EXOC6B: variants seen among roughly 807,000 people sequenced by gnomAD.
The protein encoded by EXOC6B is SEC15 homolog B.
In EXOC6B, 54 loss-of-function variants were observed where a neutral mutation model predicts 113.5. The ratio of observed to expected loss-of-function variants is 0.48; its 90% confidence interval spans 0.38 to 0.60. EXOC6B has a LOEUF of 0.60. Ranked by LOEUF, EXOC6B falls within the 20% of genes least tolerant of loss-of-function variation. The pLI, the probability that EXOC6B is intolerant of heterozygous loss-of-function variation, is 0.00. For synonymous variants in EXOC6B, 357 were observed against 339.0 expected, an observed-to-expected ratio of 1.05 and a Z score of -0.58; for missense variants, 797 against 977.5, an observed-to-expected ratio of 0.82 and a Z score of 2.46.
chr2:72,338,749 G>A (rs571992356), intron 19 of EXOC6B, among the ~76,000 whole-genome samples: 14 of 151,692 alleles, frequency 9.2e-5, no homozygotes, highest in Admixed American at 2.0e-4. Context: ...AATATAATAC[G>A]CACAGAAAAC....
At chr2:72,678,153 A>T (rs1573608508) in intron 6 of EXOC6B, among the ~76,000 whole-genome samples, 4 of 152,382 alleles carry the variant, frequency 2.6e-5, no homozygotes, top group Admixed American at 2.6e-4. Context: ...GCAGGAATCT[A>T]TCACAGCTGT....
chr2:72,312,612 C>T (rs1326983032), intron 20 of EXOC6B, among the ~76,000 whole-genome samples: 12 of 151,444 alleles, frequency 7.9e-5, no homozygotes, highest in South Asian at 2.1e-4. Flanking sequence ...AAAAATTAGC[C>T]GGGTGTGGTG....
At chr2:72,619,438 A>T (rs1385590506) in intron 6 of EXOC6B, among the ~76,000 whole-genome samples, 1 of 152,192 alleles carries the variant, frequency 6.6e-6, no homozygotes, top group Non-Finnish European at 1.5e-5. Context: ...AATTTGAGAC[A>T]TTCATAGACA....
chr2:72,531,797 A>C (rs1009757642), intron 8 of EXOC6B, among the ~76,000 whole-genome samples: 1 of 152,176 alleles, frequency 6.6e-6, no homozygotes, highest in South Asian at 2.1e-4. Context: ...AAGCCTGGCC[A>C]ACATGGTGAA....
chr2:72,397,661 T>TAAAATAAAATAAAAAAAA (rs1558625759), intron 18 of EXOC6B, among the ~76,000 whole-genome samples: 50 of 102,104 alleles, frequency 4.9e-4, no homozygotes, highest in African/African-American at 3.8e-3. Flanking sequence ...AAAATAAAAT[T>TAAAATAAAATAAAAAAAA]ATATATATAT....
At chr2:72,273,489 G>A (rs1196109710) in intron 20 of EXOC6B, among the ~76,000 whole-genome samples, 1 of 152,126 alleles carries the variant, frequency 6.6e-6, no homozygotes, top group Non-Finnish European at 1.5e-5. Flanking sequence ...AAATCTTTGT[G>A]TAAGGTGTTC....
chr2:72,785,462 CTT>C (rs1414603669), intron 1 of EXOC6B, among the ~76,000 whole-genome samples: 1 of 152,258 alleles, frequency 6.6e-6, no homozygotes, highest in Non-Finnish European at 1.5e-5. Flanking sequence ...CTGCAGCAAA[CTT>C]TTGCCTGGGC....
intron 18 of EXOC6B, among the ~76,000 whole-genome samples, chr2:72,405,023 G>C (rs977845299): frequency 1.3e-5 from 2 of 152,108 alleles, no homozygotes; most frequent in African/African-American, 2.4e-5. Context: ...GGACCTGATG[G>C]AGCTGAAAAC....
chr2:72,669,655 C>T (rs1028088601), intron 6 of EXOC6B, among the ~76,000 whole-genome samples: 5 of 152,172 alleles, frequency 3.3e-5, no homozygotes, highest in African/African-American at 9.7e-5. Context: ...AACATGCTAT[C>T]GCACTTTAAA....
chr2:72,220,374 T>A lies in EXOC6B; in HGVS notation c.2197-36187A>T, dbSNP rs529256831. On this transcript the variant is annotated intron_variant, in intron 20 of 21. Coordinates refer to ENST00000272427, the MANE Select transcript of EXOC6B (RefSeq NM_015189.3). ...GAATCTGGCCAAGGCAACTAGAAAA[T>A]ACAGGAAGGAGGGCTGCCTCCTCAT... Among the ~76,000 whole-genome samples the A allele has an allele frequency of 7.4e-4, 112 of 152,072 alleles. 2 individuals carry two copies. In the Middle Eastern group the frequency reaches 0.027, roughly 37 times the overall value.
At chr2:72,674,363 C>G (rs1372778292) in intron 6 of EXOC6B, among the ~76,000 whole-genome samples, 1 of 152,200 alleles carries the variant, frequency 6.6e-6, no homozygotes, top group Non-Finnish European at 1.5e-5. Context: ...TCCCCATCTT[C>G]TTATAGAAAG....
chr2:72,646,536 G>A (rs538321082), intron 6 of EXOC6B, among the ~76,000 whole-genome samples: 2 of 152,116 alleles, frequency 1.3e-5, no homozygotes, highest in Non-Finnish European at 2.9e-5. Flanking sequence ...GATGAACATC[G>A]ATGCGAAAAT....
chr2:72,388,149 A>AAC (rs1692164054), intron 18 of EXOC6B, among the ~76,000 whole-genome samples: 1 of 152,154 alleles, frequency 6.6e-6, no homozygotes, highest in African/African-American at 2.4e-5. Context: ...TGGACAGTCA[A>AAC]ACACACCTGG....
At chr2:72,502,723 C>T (rs924683975) in intron 11 of EXOC6B, among the ~76,000 whole-genome samples, 1 of 152,118 alleles carries the variant, frequency 6.6e-6, no homozygotes, top group Non-Finnish European at 1.5e-5. Context: ...CTTTAAGAAT[C>T]TGCTCTTTTT....
intron 8 of EXOC6B, among the ~76,000 whole-genome samples, chr2:72,540,391 C>A (rs572841014): frequency 6.6e-6 from 1 of 152,046 alleles, no homozygotes; most frequent in Admixed American, 6.5e-5. Context: ...TCCAGATTCA[C>A]GTTGTTAATA....
chr2:72,497,371 C>T (rs1263165498), intron 13 of EXOC6B, among the ~76,000 whole-genome samples: 1 of 152,148 alleles, frequency 6.6e-6, no homozygotes, highest in East Asian at 1.9e-4. Context: ...ATTTACTTTA[C>T]CTACTGCTCT....
intron 19 of EXOC6B, among the ~76,000 whole-genome samples, chr2:72,348,295 T>C (rs1259311147): frequency 6.6e-6 from 1 of 152,182 alleles, no homozygotes; most frequent in Non-Finnish European, 1.5e-5. Context: ...GTTTAGGATT[T>C]CAACATATGA....
At chr2:72,639,279 G>A (rs549685538) in intron 6 of EXOC6B, among the ~76,000 whole-genome samples, 11 of 152,254 alleles carry the variant, frequency 7.2e-5, no homozygotes, top group Admixed American at 2.6e-4. Context: ...CTAACACTGC[G>A]AAGAGAATGG....
intron 19 of EXOC6B, among the ~76,000 whole-genome samples, chr2:72,340,960 A>C (rs184166466): frequency 6.6e-6 from 1 of 152,278 alleles, no homozygotes; most frequent in Admixed American, 6.5e-5. Context: ...CGGCCAGAAC[A>C]TAAGGAAGTA....
Sources: allele counts gnomAD v4.1 joint callset (sites outside exome capture counted in the v4.1 genomes callset), GRCh38; gene constraint gnomAD v4.1.1; transcripts MANE v1.5; gene names NCBI Gene and HGNC (gene_info 2026-07-23, HGNC 2026-07-21).